The following GNA14 variants were observed in gnomAD, a reference collection of about 807,000 sequenced individuals.
The protein encoded by GNA14 is guanine nucleotide-binding protein subunit alpha-14.
GNA14 carries 50 observed loss-of-function variants against 42.0 expected under a neutral mutation model. That is an observed-to-expected ratio of 1.19 (90% CI 0.95 to 1.51). GNA14 has a LOEUF of 1.51. Among genes scored for constraint, GNA14 ranks in the 40% most tolerant of loss-of-function variants. The probability of loss-of-function intolerance (pLI) is 0.00; values close to 1 mark genes in which losing one functional copy is unlikely to be tolerated. For synonymous variants in GNA14, 173 were observed against 163.1 expected, an observed-to-expected ratio of 1.06 and a Z score of -0.46; for missense variants, 473 against 446.2, an observed-to-expected ratio of 1.06 and a Z score of -0.54.
intron 1 of GNA14, chr9:77,580,330 T>A (rs1327161903): frequency 2.9e-6 from 1 of 343,452 alleles, no homozygotes; most frequent in Non-Finnish European, 6.1e-6. Flanking sequence ...ACAACCCGAA[T>A]AGGTACAATT....
intron 1 of GNA14, among the ~76,000 whole-genome samples, chr9:77,582,126 C>T (rs1587837730): frequency 6.6e-6 from 1 of 152,174 alleles, no homozygotes; most frequent in East Asian, 1.9e-4. Context: ...CATTGTAATG[C>T]CCTTTCAGCA....
intron 1 of GNA14, among the ~76,000 whole-genome samples, chr9:77,630,566 ATAATT>A (rs1824081649): frequency 6.6e-6 from 1 of 152,368 alleles, no homozygotes; most frequent in South Asian, 2.1e-4. Flanking sequence ...AGAAAATGTA[ATAATT>A]TAATTAACTG....
chr9:77,477,596 G>A (rs1836454344), intron 2 of GNA14, among the ~76,000 whole-genome samples: 1 of 152,114 alleles, frequency 6.6e-6, no homozygotes, highest in Admixed American at 6.5e-5. Flanking sequence ...CTCTTTTATA[G>A]TGCCTTGCTT....
chr9:77,519,274 G>A (rs577984537), intron 2 of GNA14, among the ~76,000 whole-genome samples: 101 of 152,222 alleles, frequency 6.6e-4, no homozygotes, highest in African/African-American at 3.6e-4. Flanking sequence ...AGCTGGGCGT[G>A]GTGGCGGGTG....
At chr9:77,607,342 A>G (rs2117933591) in intron 1 of GNA14, among the ~76,000 whole-genome samples, 1 of 152,288 alleles carries the variant, frequency 6.6e-6, no homozygotes, top group Admixed American at 6.5e-5. Flanking sequence ...ATGAATCCTA[A>G]AAGAAGAAGC....
At chr9:77,616,932 C>A (rs1040331514) in intron 1 of GNA14, among the ~76,000 whole-genome samples, 1 of 151,754 alleles carries the variant, frequency 6.6e-6, no homozygotes, top group Non-Finnish European at 1.5e-5. Context: ...TGTGGTGGCA[C>A]GATCTTGGCT....
chr9:77,425,668 G>A lies in GNA14; in HGVS notation c.771C>T (p.Tyr257=). ...SKALFKTIIT[Y]PWFLNSSVIL... ...TCACAGACGAATTCAGAAACCAGGG[G>A]TAGGTGATGATGGTTTTAAATAAGG... The change falls in exon 6 of 7, where the codon TAC becomes TAT. Residue 257 remains tyrosine (Y), a synonymous_variant. Coordinates refer to ENST00000341700, the MANE Select transcript of GNA14 (RefSeq NM_004297.4). 3 of 1,609,248 alleles carry A rather than the reference G, an allele frequency of 1.9e-6. No homozygotes were observed. Among genetic ancestry groups the A allele is most frequent in the Non-Finnish European group, 2.6e-6 (3 of 1,175,670 alleles).
At chr9:77,513,519 C>T (rs1239192539) in intron 2 of GNA14, among the ~76,000 whole-genome samples, 1 of 152,350 alleles carries the variant, frequency 6.6e-6, no homozygotes, top group Admixed American at 6.5e-5. Flanking sequence ...CAGAAGTATA[C>T]ACAGTCCCTG....
chr9:77,591,029 C>T (rs1424507886), intron 1 of GNA14, among the ~76,000 whole-genome samples: 3 of 152,132 alleles, frequency 2.0e-5, no homozygotes, highest in Non-Finnish European at 4.4e-5. Context: ...TTGAAAGACT[C>T]GGCAAACTTA....
chr9:77,490,484 G>A (rs897290186), intron 2 of GNA14, among the ~76,000 whole-genome samples: 2 of 152,272 alleles, frequency 1.3e-5, no homozygotes, highest in African/African-American at 4.8e-5. Flanking sequence ...ATGGAGGCAA[G>A]GGAAGGCTCA....
At chr9:77,571,912 A>G (rs997213521) in intron 1 of GNA14, among the ~76,000 whole-genome samples, 3 of 152,186 alleles carry the variant, frequency 2.0e-5, no homozygotes, top group Non-Finnish European at 4.4e-5. Flanking sequence ...ATATTACTAA[A>G]ATTAATTTCA....
Position 77,426,556 on chromosome 9 carries a change from G to A in GNA14, c.724-841C>T, listed in dbSNP as rs575670902. Among the ~76,000 whole-genome samples the A allele has an allele frequency of 1.9e-4, 29 of 152,216 alleles. No homozygotes were observed. The South Asian group carries it at 3.7e-3, about 20-fold the overall frequency. On this transcript the variant is annotated intron_variant, in intron 5 of 6. Coordinates refer to ENST00000341700, the MANE Select transcript of GNA14 (RefSeq NM_004297.4). The stretch of plus-strand genomic sequence containing the variant: ...CCTGACCTCGCGATCCGCCCGCCTC[G>A]GCCTCCCAAAGTGCTGGGATTACAG...
intron 1 of GNA14, among the ~76,000 whole-genome samples, chr9:77,644,539 G>A (rs1824324938): frequency 6.6e-6 from 1 of 151,110 alleles, no homozygotes; most frequent in Non-Finnish European, 1.5e-5. Flanking sequence ...GCAAGCCAAG[G>A]AGAGAGGCCT....
chr9:77,432,461 A>G lies in GNA14; in HGVS notation c.465-1012T>C, dbSNP rs376582656. Among the ~76,000 whole-genome samples, 20 of 152,308 alleles carry G rather than the reference A, an allele frequency of 1.3e-4. No individual in the cohort carries two copies. The South Asian group carries it at 4.1e-3, about 32-fold the overall frequency. On this transcript the variant is annotated intron_variant, in intron 3 of 6. Coordinates refer to ENST00000341700, the MANE Select transcript of GNA14 (RefSeq NM_004297.4). ...CACCTGAGTTGCTCCACCAGACTGTATATTCCCTGAGAGCAGAGAGCACTG... is the reference window on the plus strand; with the variant it reads ...CACCTGAGTTGCTCCACCAGACTGTGTATTCCCTGAGAGCAGAGAGCACTG...
chr9:77,483,008 C>T (rs922170844), intron 2 of GNA14, among the ~76,000 whole-genome samples: 1 of 152,202 alleles, frequency 6.6e-6, no homozygotes, highest in East Asian at 1.9e-4. Context: ...GAATTTCCTT[C>T]TGTAGCTCAG....
At chr9:77,448,332 A>C (rs1835855714) in intron 2 of GNA14, among the ~76,000 whole-genome samples, 1 of 152,320 alleles carries the variant, frequency 6.6e-6, no homozygotes, top group East Asian at 1.9e-4. Flanking sequence ...ATTCAGTAGA[A>C]ACCATATTTT....
intron 1 of GNA14, among the ~76,000 whole-genome samples, chr9:77,610,625 C>T (rs1823715269): frequency 6.6e-6 from 1 of 152,016 alleles, no homozygotes. Context: ...ACTTTTATTC[C>T]ATAATATGCG....
intron 1 of GNA14, among the ~76,000 whole-genome samples, chr9:77,629,386 C>A (rs1002459206): frequency 1.3e-5 from 2 of 152,192 alleles, no homozygotes; most frequent in African/African-American, 4.8e-5. Flanking sequence ...TGGGTATATA[C>A]CCAAAGGATT....
chr9:77,498,382 AAAAAAAG>A (rs751413460), intron 2 of GNA14, among the ~76,000 whole-genome samples: 25,418 of 140,352 alleles, frequency 0.18, 2,773 homozygotes, highest in East Asian at 0.31. Context: ...TCAAAAAAAA[AAAAAAAG>A]AAAAAAAAGA....
Sources: allele counts gnomAD v4.1 joint callset (sites outside exome capture counted in the v4.1 genomes callset), GRCh38; gene constraint gnomAD v4.1.1; transcripts MANE v1.5; gene names NCBI Gene and HGNC (gene_info 2026-07-23, HGNC 2026-07-21).